SLC39A14: variants seen among roughly 807,000 people sequenced by gnomAD.
The protein encoded by SLC39A14 is metal cation symporter ZIP14.
In SLC39A14, 19 loss-of-function variants were observed where a neutral mutation model predicts 45.5. The observed-to-expected ratio is 0.42, with a 90% CI of 0.29 to 0.61. SLC39A14 has a LOEUF of 0.61. Among genes scored for constraint, SLC39A14 ranks in the 20% least tolerant of loss-of-function variants. SLC39A14 has a pLI of 0.22. For missense variants in SLC39A14, 447 were observed against 616.5 expected, an observed-to-expected ratio of 0.73 and a Z score of 2.91; for synonymous variants, 264 against 251.3, an observed-to-expected ratio of 1.05 and a Z score of -0.48.
intron 5 of SLC39A14, chr8:22,415,268 A>G (rs1050371795): frequency 6.3e-5 from 14 of 221,702 alleles, no homozygotes; most frequent in Admixed American, 2.9e-4. Context: ...ATTATAGTAC[A>G]GTTTCAAAAA....
intron 5 of SLC39A14, chr8:22,415,497 C>T (rs933179929): frequency 3.4e-5 from 13 of 384,790 alleles, no homozygotes; most frequent in Admixed American, 9.0e-5. Context: ...GGTCTCGCTT[C>T]GTTGCCCAGG....
Position 22,415,856 on chromosome 8 carries a change from G to A in SLC39A14, c.838G>A (p.Gly280Arg), listed in dbSNP as rs111637707. 1.6e-4 allele frequency: 255 copies of A among 1,613,404 alleles called. No individual in the cohort carries two copies. Among genetic ancestry groups the A allele is most frequent in the Middle Eastern group, 1.5e-3 (9 of 6,056 alleles). ...GGGGGTGATGGAGAAGCTGCAGAAC[G>A]GGGACCTGGACCACATGATTCCTCA... ...EEGVMEKLQN[G>R]DLDHMIPQHC... Residue 280 changes from glycine (G) to arginine (R), a missense_variant, in exon 6 of 9, where the codon GGG becomes AGG. Coordinates refer to ENST00000381237, the MANE Select transcript of SLC39A14 (RefSeq NM_001128431.4).
At chr8:22,431,497 G>T (rs906392210) in intron 8 of SLC39A14, among the ~76,000 whole-genome samples, 4 of 152,112 alleles carry the variant, frequency 2.6e-5, no homozygotes, top group Admixed American at 2.6e-4. Context: ...GGAAACAAGG[G>T]TTCCCTGTGC....
chr8:22,401,543 CTTTTTTTTTT>C (rs71544899), intron 1 of SLC39A14, among the ~76,000 whole-genome samples: 2 of 84,054 alleles, frequency 2.4e-5, no homozygotes, highest in African/African-American at 1.3e-4. Flanking sequence ...TCTTCTCTTT[CTTTTTTTTTT>C]TTTTTTTTTT....
intron 1 of SLC39A14, among the ~76,000 whole-genome samples, chr8:22,378,024 G>A (rs1293924391): frequency 1.3e-5 from 2 of 152,196 alleles, no homozygotes; most frequent in Non-Finnish European, 2.9e-5. Flanking sequence ...GATGAGAACT[G>A]TAGCCTAATG....
chr8:22,397,047 T>G (rs891940155), intron 1 of SLC39A14, among the ~76,000 whole-genome samples: 1 of 152,200 alleles, frequency 6.6e-6, no homozygotes, highest in Admixed American at 6.5e-5. Flanking sequence ...TTTTTCATCT[T>G]AAGTCTTTAG....
intron 1 of SLC39A14, among the ~76,000 whole-genome samples, chr8:22,372,221 A>AT (rs946547736): frequency 1.3e-5 from 2 of 151,642 alleles, no homozygotes; most frequent in African/African-American, 4.8e-5. Context: ...ATTTTATTAA[A>AT]TTTTTTTTTC....
intron 1 of SLC39A14, among the ~76,000 whole-genome samples, chr8:22,396,600 A>C (rs11985555): frequency 0.42 from 10,692 of 25,162 alleles, 3,852 homozygotes; most frequent in African/African-American, 0.76. Context: ...GAGAGAGAGA[A>C]GACTAAGTGG....
At chr8:22,371,318 C>T (rs568602821) in intron 1 of SLC39A14, among the ~76,000 whole-genome samples, 2 of 151,376 alleles carry the variant, frequency 1.3e-5, no homozygotes, top group East Asian at 1.9e-4. Flanking sequence ...TTATTACCGC[C>T]GAGTTCCTAA....
intron 1 of SLC39A14, among the ~76,000 whole-genome samples, chr8:22,397,790 C>T (rs936578984): frequency 2.6e-5 from 4 of 152,094 alleles, no homozygotes; most frequent in African/African-American, 9.7e-5. Context: ...CTATCAGGCT[C>T]AGCGGTCACA....
At chr8:22,430,826 T>C (rs1424822213) in intron 8 of SLC39A14, among the ~76,000 whole-genome samples, 1 of 151,168 alleles carries the variant, frequency 6.6e-6, no homozygotes, top group African/African-American at 2.4e-5. Context: ...GCCTGTGCCA[T>C]CATGCCCAGC....
Position 22,422,193 on chromosome 8 carries a change from C to T in SLC39A14, c.*2495C>T. ...CATTAGCAGCTTCGACCTCATTTTC[C>T]AGATGCACCAGCTCCTATTAATAAG... On this transcript the variant is annotated 3_prime_UTR_variant, in exon 9 of 9. Coordinates refer to ENST00000381237, the MANE Select transcript of SLC39A14 (RefSeq NM_001128431.4). The T allele has an allele frequency of 7.1e-6, 7 of 985,256 alleles. No individual in the cohort carries two copies. Among genetic ancestry groups the T allele is most frequent in the Non-Finnish European group, 7.2e-6 (6 of 829,740 alleles). The allele number at this position is 985,256 out of a possible 1,614,324, so 61.0% of individuals were successfully genotyped here.
At chr8:22,394,509 C>T (rs939569935) in intron 1 of SLC39A14, among the ~76,000 whole-genome samples, 3 of 151,634 alleles carry the variant, frequency 2.0e-5, no homozygotes, top group South Asian at 2.1e-4. Flanking sequence ...TTAGTAGAGA[C>T]GGGGTTTCAT....
Position 22,419,752 on chromosome 8 carries a change from C to T in SLC39A14, c.*54C>T. ...AGTCGGGCCCTGGGCTGCCCGATCG[C>T]CAGCCCGAGGACTTACCATCCACAA... On this transcript the variant is annotated 3_prime_UTR_variant, in exon 9 of 9. Coordinates refer to ENST00000381237, the MANE Select transcript of SLC39A14 (RefSeq NM_001128431.4). The T allele has an allele frequency of 6.6e-7, 1 of 1,517,868 alleles. No homozygotes were observed. The allele number at this position is 1,517,868 out of a possible 1,614,324, so 94.0% of individuals were successfully genotyped here. A position where few individuals can be genotyped will look rare whatever the true frequency, so the allele number is the denominator to read the frequency against.
At chr8:22,423,571 G>A (rs1033745989), downstream of SLC39A14, among the ~76,000 whole-genome samples, 2 of 151,998 alleles carry the variant, frequency 1.3e-5, no homozygotes, top group African/African-American at 4.8e-5. Context: ...TCCTGACCTC[G>A]TGATCCCCCT....
intron 1 of SLC39A14, among the ~76,000 whole-genome samples, chr8:22,380,318 G>A (rs1833437687): frequency 6.6e-6 from 1 of 152,212 alleles, no homozygotes; most frequent in African/African-American, 2.4e-5. Context: ...GGCAAAGAGG[G>A]AAAACTGAGG....
intron 1 of SLC39A14, among the ~76,000 whole-genome samples, chr8:22,384,446 A>G (rs889306858): frequency 7.1e-6 from 1 of 141,452 alleles, no homozygotes; most frequent in Non-Finnish European, 1.6e-5. Context: ...TTTATGTTTT[A>G]AAAAAAAAAA....
intron 8 of SLC39A14, among the ~76,000 whole-genome samples, chr8:22,430,299 C>G (rs1836447889): frequency 6.6e-6 from 1 of 152,178 alleles, no homozygotes; most frequent in South Asian, 2.1e-4. Flanking sequence ...AAGTCCTGGG[C>G]TCAAGTAATC....
intron 5 of SLC39A14, chr8:22,415,544 C>T: frequency 4.2e-6 from 2 of 473,104 alleles, no homozygotes; most frequent in Non-Finnish European, 7.4e-6. Flanking sequence ...AGTCCTCCCA[C>T]CTCGGCCTCC....
Sources: allele counts gnomAD v4.1 joint callset (sites outside exome capture counted in the v4.1 genomes callset), GRCh38; gene constraint gnomAD v4.1.1; transcripts MANE v1.5; gene names NCBI Gene and HGNC (gene_info 2026-07-23, HGNC 2026-07-21).